Variants in AQP9 observed in about 807,000 individuals in gnomAD.
The protein encoded by AQP9 is aquaporin 9, also known as aquaporin-9.
Under a neutral mutation model 23.8 loss-of-function variants are expected in AQP9, and 19 were observed. The observed-to-expected ratio is 0.80, with a 90% CI of 0.56 to 1.17. The LOEUF (loss-of-function observed/expected upper bound fraction) is 1.17, where lower values mean the gene tolerates loss of function less well. Ranked by LOEUF, AQP9 falls within the 50% of genes most tolerant of loss-of-function variation. The pLI, the probability that AQP9 is intolerant of heterozygous loss-of-function variation, is 0.00. For synonymous variants in AQP9, 153 were observed against 131.5 expected, an observed-to-expected ratio of 1.16 and a Z score of -1.12; for missense variants, 413 against 362.0, an observed-to-expected ratio of 1.14 and a Z score of -1.14.
intron 4 of AQP9, among the ~76,000 whole-genome samples, chr15:58,176,856 G>A (rs1898770219): frequency 6.6e-6 from 1 of 152,006 alleles, no homozygotes; most frequent in Admixed American, 6.6e-5. Context: ...TAATCCGCCT[G>A]CCTAAGCCTC....
chr15:58,170,871 C>G (rs1595741261), intron 2 of AQP9, among the ~76,000 whole-genome samples: 2 of 152,112 alleles, frequency 1.3e-5, no homozygotes, highest in East Asian at 3.9e-4. Flanking sequence ...AGAAATCTCC[C>G]ATTGGTAGAC....
rs559553291 is a variant in AQP9, at chr15:58,166,854, G to A, written c.238+55G>A. On this transcript the variant is annotated intron_variant, in intron 2 of 5. Coordinates refer to ENST00000219919, the MANE Select transcript of AQP9 (RefSeq NM_020980.5). ...TTAATTCAGCCACTCCAATGTGCCC[G>A]CACAGTGCTGGCTGCTTCACATACC... is the stretch of plus-strand genomic sequence containing the variant. 1,563 of 1,594,978 alleles carry A rather than the reference G, an allele frequency of 9.8e-4. 22 individuals carry two copies. In the South Asian group the frequency reaches 0.017, roughly 17 times the overall value.
intron 2 of AQP9, among the ~76,000 whole-genome samples, chr15:58,171,907 G>A (rs897072627): frequency 6.6e-6 from 1 of 152,134 alleles, no homozygotes; most frequent in Non-Finnish European, 1.5e-5. Flanking sequence ...CAAGGCCACA[G>A]CCTGAAAGTC....
rs367800620 is a variant in AQP9, at chr15:58,173,134, T to C, written c.305T>C (p.Leu102Ser). Residue 102 changes from leucine to serine, a missense_variant, in exon 3 of 6, where the codon TTG (leucine) becomes TCG (serine). Physicochemically the swap from Leu to Ser is moderately radical, Grantham distance 145 (BLOSUM62 -2). Transcript: ENST00000219919. Reference protein sequence around the residue: ...CLFGRMKWFKLPFYVGAQFLG... With the variant: ...CLFGRMKWFKSPFYVGAQFLG... ...TTTGGACGGATGAAATGGTTCAAAT[T>C]GCCATTTTATGTGGGAGCCCAGTTC... 1.3e-5 allele frequency: 21 copies of C among 1,614,058 alleles called. No individual in the cohort carries two copies. The highest frequency in any genetic ancestry group is 1.7e-5 in the Admixed American group (1 of 59,992).
intron 4 of AQP9, among the ~76,000 whole-genome samples, chr15:58,176,995 A>T (rs3784252): frequency 0.88 from 134,014 of 152,080 alleles, 59,640 homozygotes; most frequent in Non-Finnish European, 0.95. Flanking sequence ...ATTGTGTATA[A>T]AGTCAAGTAG....
At position 58,179,265 on chromosome 15, in the gene AQP9, T is replaced by C. The variant is rs763516447; in HGVS notation, c.633T>C (p.Ser211=). The part of the protein sequence containing the change: ...IVIASSLGLN[S]GCAMNPARDL... ...TTGCTTCCTCCCTGGGACTGAACAGTGGCTGTGCCATGAACCCAGCTCGAG... is the reference window on the plus strand; with the variant it reads ...TTGCTTCCTCCCTGGGACTGAACAGCGGCTGTGCCATGAACCCAGCTCGAG... Residue 211 remains serine (S), a synonymous_variant, in exon 5 of 6, where the codon AGT becomes AGC. Transcript: ENST00000219919. The C allele has an allele frequency of 1.1e-5, 17 of 1,614,056 alleles. No individual in the cohort carries two copies. In the African/African-American group the frequency reaches 1.6e-4, roughly 15 times the overall value.
At chr15:58,172,031 T>A (rs771108449) in intron 2 of AQP9, among the ~76,000 whole-genome samples, 10 of 152,232 alleles carry the variant, frequency 6.6e-5, no homozygotes, top group South Asian at 2.1e-4. Context: ...ACAATTTTTT[T>A]AAATTCTTTA....
At chr15:58,161,609 T>C (rs1898384022) in intron 1 of AQP9, among the ~76,000 whole-genome samples, 2 of 152,236 alleles carry the variant, frequency 1.3e-5, no homozygotes, top group Admixed American at 6.5e-5. Flanking sequence ...GTATTTGTTA[T>C]AGATGTCTTT....
intron 4 of AQP9, among the ~76,000 whole-genome samples, chr15:58,175,908 C>T (rs1463290983): frequency 1.3e-5 from 2 of 152,222 alleles, no homozygotes; most frequent in Non-Finnish European, 2.9e-5. Flanking sequence ...TAAAAACTCA[C>T]TATGTGCTTG....
rs750490688 is a variant in AQP9 at position 58,166,711 on chromosome 15, T to C, written c.150T>C (p.Ser50=). The C allele has an allele frequency of 1.2e-6, 2 of 1,613,248 alleles. No homozygotes were observed. Among genetic ancestry groups the C allele is most frequent in the Admixed American group, 1.7e-5 (1 of 59,866 alleles). The change falls in exon 2 of 6, where the codon AGT becomes AGC. Residue 50 remains serine (S), a synonymous_variant. Coordinates refer to ENST00000219919, the MANE Select transcript of AQP9 (RefSeq NM_020980.5). ...GCTGTGTTGCCCAAGCTATTCTCAGTCGAGGACGTTTTGGAGGGGTCATCA... is the reference window on the plus strand; with the variant it reads ...GCTGTGTTGCCCAAGCTATTCTCAGCCGAGGACGTTTTGGAGGGGTCATCA... ...GCGCVAQAIL[S]RGRFGGVITI...
intron 1 of AQP9, among the ~76,000 whole-genome samples, chr15:58,140,248 TAAG>T (rs1344890934): frequency 8.5e-4 from 129 of 152,134 alleles, no homozygotes; most frequent in Non-Finnish European, 1.3e-3. Context: ...CTGTATTTCT[TAAG>T]AAGAACCTGT....
chr15:58,179,509 A>ATATG (rs1555414570), intron 5 of AQP9, among the ~76,000 whole-genome samples, 164 bp downstream of exon 5: 1 of 148,748 alleles, frequency 6.7e-6, no homozygotes, highest in Non-Finnish European at 1.5e-5. Context: ...TTGTGGTATG[A>ATATG]TGTGTGTGTG....
chr15:58,169,904 G>C (rs377219758), intron 2 of AQP9, among the ~76,000 whole-genome samples: 1 of 152,122 alleles, frequency 6.6e-6, no homozygotes, highest in African/African-American at 2.4e-5. Context: ...AAAATATAGG[G>C]TTATCTTGAT....
chr15:58,180,218 A>T (rs1956437740), intron 5 of AQP9, among the ~76,000 whole-genome samples: 1 of 152,168 alleles, frequency 6.6e-6, no homozygotes. Flanking sequence ...TTGGTTCATC[A>T]GGAAACAGGG....
At chr15:58,171,453 C>G (rs1898619524) in intron 2 of AQP9, among the ~76,000 whole-genome samples, 1 of 152,134 alleles carries the variant, frequency 6.6e-6, no homozygotes, top group Non-Finnish European at 1.5e-5. Flanking sequence ...TGCAGCAAGC[C>G]TCTGGGAGAA....
chr15:58,179,445 C>A, intron 5 of AQP9, 100 bp downstream of exon 5: 1 of 1,067,648 alleles, frequency 9.4e-7, no homozygotes, highest in Non-Finnish European at 1.4e-6. Context: ...CAGATGACAG[C>A]GCCAACGTTA....
intron 2 of AQP9, among the ~76,000 whole-genome samples, chr15:58,169,829 AT>A (rs1898582341): frequency 6.6e-6 from 1 of 152,208 alleles, no homozygotes; most frequent in East Asian, 1.9e-4. Context: ...GGCAATTGCT[AT>A]TGATGTAGTA....
intron 1 of AQP9, among the ~76,000 whole-genome samples, chr15:58,149,309 G>C (rs1185723000): frequency 6.6e-6 from 1 of 152,186 alleles, no homozygotes; most frequent in African/African-American, 2.4e-5. Flanking sequence ...GAAGTATTGG[G>C]AGGACTCACA....
intron 1 of AQP9, among the ~76,000 whole-genome samples, chr15:58,146,465 AGTTTC>A (rs1484747235): frequency 1.3e-5 from 2 of 150,748 alleles, no homozygotes; most frequent in African/African-American, 2.4e-5. Flanking sequence ...TTTTTCTTTT[AGTTTC>A]TTTTCTTGTG....
Sources: allele counts gnomAD v4.1 joint callset (sites outside exome capture counted in the v4.1 genomes callset), GRCh38; gene constraint gnomAD v4.1.1; transcripts MANE v1.5; gene names NCBI Gene and HGNC (gene_info 2026-07-23, HGNC 2026-07-21).